ANKAR: variants seen among roughly 807,000 people sequenced by gnomAD.
ANKAR encodes ankyrin and armadillo repeat-containing protein.
In ANKAR, 136 loss-of-function variants were observed where a neutral mutation model predicts 146.2. The observed-to-expected ratio is 0.93, with a 90% CI of 0.81 to 1.07. The LOEUF (loss-of-function observed/expected upper bound fraction) is 1.07, where lower values mean the gene tolerates loss of function less well. ANKAR is among the 50% of genes least tolerant of loss of function. The pLI, the probability that ANKAR is intolerant of heterozygous loss-of-function variation, is 0.00. For missense variants in ANKAR, 1,567 were observed against 1,679.9 expected, an observed-to-expected ratio of 0.93 and a Z score of 1.18; for synonymous variants, 500 against 575.8, an observed-to-expected ratio of 0.87 and a Z score of 1.88.
intron 7 of ANKAR, among the ~76,000 whole-genome samples, chr2:189,704,652 A>G (rs886674343): frequency 2.8e-5 from 4 of 144,554 alleles, no homozygotes; most frequent in African/African-American, 1.0e-4. Flanking sequence ...AAAATGGAAA[A>G]TAAACAAGAA....
intron 10 of ANKAR, among the ~76,000 whole-genome samples, chr2:189,714,787 G>C (rs1273739015): frequency 6.6e-6 from 1 of 151,144 alleles, no homozygotes; most frequent in Non-Finnish European, 1.5e-5. Context: ...TCTACTAAAA[G>C]TACAAAAAAT....
intron 17 of ANKAR, among the ~76,000 whole-genome samples, chr2:189,735,309 G>A (rs1375306610): frequency 6.6e-6 from 1 of 152,186 alleles, no homozygotes; most frequent in Non-Finnish European, 1.5e-5. Context: ...GAATCTTAGA[G>A]AACTAGAAGG....
At chr2:189,716,383 G>A (rs920035071) in intron 10 of ANKAR, among the ~76,000 whole-genome samples, 6 of 152,082 alleles carry the variant, frequency 3.9e-5, no homozygotes, top group South Asian at 2.1e-4. Flanking sequence ...AACTTACAGG[G>A]GATGTGAAGG....
chr2:189,707,017 A>G lies in ANKAR; in HGVS notation c.1990A>G (p.Asn664Asp), dbSNP rs1365684677. ...TIQYLFSIGA[N>D]WRKTDIKGNN... ...TCAATACCTGTTTTCTATCGGTGCTAACTGGAGAAAAACAGATATTAAAGG... is the reference window on the plus strand; with the variant it reads ...TCAATACCTGTTTTCTATCGGTGCTGACTGGAGAAAAACAGATATTAAAGG... The change falls in exon 9 of 23, where the codon AAC becomes GAC. Residue 664 changes from asparagine (N) to aspartate (D), a missense_variant. Transcript: ENST00000684021. 1 of 1,613,818 alleles carries G rather than the reference A, an allele frequency of 6.2e-7. No individual in the cohort carries two copies. The highest frequency in any genetic ancestry group is 8.5e-7 in the Non-Finnish European group (1 of 1,179,800).
chr2:189,714,393 G>A (rs1233855975), intron 10 of ANKAR, among the ~76,000 whole-genome samples: 1 of 152,140 alleles, frequency 6.6e-6, no homozygotes, highest in African/African-American at 2.4e-5. Context: ...TAAAAGAAAA[G>A]AAATCACAAC....
At chr2:189,723,608 G>A (rs909753819) in intron 12 of ANKAR, among the ~76,000 whole-genome samples, 2 of 151,968 alleles carry the variant, frequency 1.3e-5, no homozygotes, top group Non-Finnish European at 2.9e-5. Flanking sequence ...ACAATATGTA[G>A]TATTATGTAC....
At chr2:189,721,649 G>A (rs2041249912) in intron 12 of ANKAR, among the ~76,000 whole-genome samples, 2 of 152,144 alleles carry the variant, frequency 1.3e-5, no homozygotes, top group Admixed American at 1.3e-4. Flanking sequence ...ACTGCAAATG[G>A]TCTCCTGGGT....
chr2:189,724,688 A>G (rs1574641559), intron 12 of ANKAR, among the ~76,000 whole-genome samples: 2 of 152,328 alleles, frequency 1.3e-5, no homozygotes, highest in Admixed American at 1.3e-4. Flanking sequence ...TGGGTATAGA[A>G]GTTGGTATGA....
chr2:189,749,405 A>G (rs1024340255), downstream of ANKAR, among the ~76,000 whole-genome samples: 2 of 151,792 alleles, frequency 1.3e-5, no homozygotes, highest in Non-Finnish European at 2.9e-5. Flanking sequence ...TGCTGTCTAT[A>G]AAAATCGAAA....
Position 189,737,734 on chromosome 2 carries a change from C to T in ANKAR, c.3475C>T (p.Arg1159Cys), listed in dbSNP as rs142142423. 43 of 1,598,582 alleles carry T rather than the reference C, an allele frequency of 2.7e-5. No homozygotes were observed. The African/African-American group carries it at 3.1e-4, about 12-fold the overall frequency. The change falls in exon 18 of 23, where the codon CGC becomes TGC. Residue 1159 changes from arginine to cysteine, a missense_variant. Transcript: ENST00000684021. The part of the protein sequence containing the change: ...YALTLFAFNN[R>C]FQQYLILESG... ...ATTAACACTTTTTGCCTTCAATAAT[C>T]GCTTTCAACAATACTTAATATTGGA...
At chr2:189,682,996 AT>A (rs2034972329) in intron 2 of ANKAR, among the ~76,000 whole-genome samples, 1 of 152,200 alleles carries the variant, frequency 6.6e-6, no homozygotes. Flanking sequence ...TTGGAGGGTG[AT>A]TAGTTCATAA....
intron 21 of ANKAR, 101 bp downstream of exon 21, chr2:189,743,575 A>G: frequency 9.6e-7 from 1 of 1,045,798 alleles, no homozygotes; most frequent in Non-Finnish European, 1.4e-6. Flanking sequence ...CTTGATATGA[A>G]CATATCTCCT....
intron 10 of ANKAR, among the ~76,000 whole-genome samples, chr2:189,714,947 C>CCA (rs1553520240): frequency 2.3e-4 from 20 of 88,660 alleles, no homozygotes; most frequent in African/African-American, 6.5e-4. Flanking sequence ...CTCCATCTCA[C>CCA]AAAAAAAAAA....
chr2:189,758,985 G>A (rs747670349), intron 18 of ANKAR, among the ~76,000 whole-genome samples: 2 of 152,110 alleles, frequency 1.3e-5, no homozygotes, highest in African/African-American at 4.8e-5. Context: ...GCTGAGGCAC[G>A]GTAATAATAG....
chr2:189,760,588 T>G (rs1200495391), intron 18 of ANKAR, among the ~76,000 whole-genome samples: 1 of 152,126 alleles, frequency 6.6e-6, no homozygotes, highest in Non-Finnish European at 1.5e-5. Context: ...GTCAGGAGAT[T>G]GAGACCATCC....
chr2:189,746,657 A>G, downstream of ANKAR: 5 of 1,547,446 alleles, frequency 3.2e-6, no homozygotes, highest in Non-Finnish European at 4.3e-6. Flanking sequence ...AGGATTCCTG[A>G]GCCATCTTTT....
At chr2:189,685,057 A>T (rs998338483) in intron 2 of ANKAR, among the ~76,000 whole-genome samples, 2 of 151,760 alleles carry the variant, frequency 1.3e-5, no homozygotes, top group Non-Finnish European at 2.9e-5. Flanking sequence ...CCAGGCTTGA[A>T]TGCAGTGGCA....
chr2:189,730,036 T>C lies in ANKAR; in HGVS notation c.3194-459T>C, dbSNP rs1269614336. Among the ~76,000 whole-genome samples, 4 of 151,826 alleles carry C rather than the reference T, an allele frequency of 2.6e-5. No homozygotes were observed. The East Asian group carries it at 7.7e-4, about 29-fold the overall frequency. ...GTGAGTTTAGGCCTGCAATTTAAAG[T>C]AGTATGTTATAAAGAGACATAGTAA... is the stretch of plus-strand genomic sequence containing the variant. On this transcript the variant is annotated intron_variant, in intron 15 of 22. Transcript: ENST00000684021.
At chr2:189,752,983 A>C in intron 18 of ANKAR, 1 of 1,603,296 alleles carries the variant, frequency 6.2e-7, no homozygotes, top group Non-Finnish European at 8.5e-7. Flanking sequence ...ATGCAACCTG[A>C]AGGAATTGAG....
Sources: gnomAD v4.1 joint callset for allele counts (sites outside exome capture counted in the v4.1 genomes callset) on GRCh38, gnomAD v4.1.1 for gene constraint, MANE v1.5 for transcripts, NCBI Gene and HGNC (gene_info 2026-07-23, HGNC 2026-07-21) for gene names.